Variants in SIK3 observed in about 807,000 individuals in gnomAD.
SIK3 encodes serine/threonine-protein kinase SIK3.
Under a neutral mutation model 144.2 loss-of-function variants are expected in SIK3, and 28 were observed. The observed-to-expected ratio is 0.19, with a 90% CI of 0.14 to 0.27. SIK3 has a LOEUF of 0.27. Among genes scored for constraint, SIK3 ranks in the 10% least tolerant of loss-of-function variants. SIK3 has a pLI of 1.00. For synonymous variants in SIK3, 686 were observed against 676.3 expected, an observed-to-expected ratio of 1.01 and a Z score of -0.22; for missense variants, 1,319 against 1,776.0, an observed-to-expected ratio of 0.74 and a Z score of 4.62.
chr11:117,011,610 G>A (rs1372393984), intron 1 of SIK3, among the ~76,000 whole-genome samples: 1 of 152,272 alleles, frequency 6.6e-6, no homozygotes, highest in East Asian at 1.9e-4. Flanking sequence ...TGTTAGTACT[G>A]AGAGAAGCTG....
At chr11:116,898,464 A>G (rs1435259108) in intron 4 of SIK3, among the ~76,000 whole-genome samples, 1 of 151,878 alleles carries the variant, frequency 6.6e-6, no homozygotes, top group Non-Finnish European at 1.5e-5. Context: ...TAGCAACATG[A>G]TTTATAGTCC....
intron 4 of SIK3, among the ~76,000 whole-genome samples, chr11:116,897,755 C>G (rs909491906): frequency 6.6e-6 from 1 of 151,988 alleles, no homozygotes; most frequent in Non-Finnish European, 1.5e-5. Context: ...TGGTGGCGTG[C>G]GCCTGTAGTC....
intron 4 of SIK3, among the ~76,000 whole-genome samples, chr11:116,909,245 A>G (rs1401069829): frequency 6.6e-6 from 1 of 152,160 alleles, no homozygotes; most frequent in Non-Finnish European, 1.5e-5. Context: ...TACACATTAT[A>G]TTCAGTATAA....
At chr11:117,058,802 A>G (rs1413367595) in intron 1 of SIK3, among the ~76,000 whole-genome samples, 1 of 152,222 alleles carries the variant, frequency 6.6e-6, no homozygotes, top group African/African-American at 2.4e-5. Context: ...TTAGCAAAAG[A>G]ACAAATTAAT....
intron 1 of SIK3, among the ~76,000 whole-genome samples, chr11:117,018,330 T>C (rs1254806159): frequency 2.6e-5 from 4 of 152,140 alleles, no homozygotes; most frequent in Non-Finnish European, 5.9e-5. Flanking sequence ...CAAATCCACA[T>C]ATAAGTGGAT....
Position 116,844,221 on chromosome 11 carries a change from G to A in SIK3, c.*1422C>T, listed in dbSNP as rs185331810. 44 of 152,214 alleles carry A rather than the reference G, an allele frequency of 2.9e-4. No homozygotes were observed. Among genetic ancestry groups the A allele is most frequent in the East Asian group, 1.2e-3 (6 of 5,182 alleles). 9.4% of individuals were successfully genotyped at this position (152,214 alleles called of 1,614,324 possible). Reference sequence around the variant, plus strand: ...AGATAACACAAATAATAGCTACTGCGTATGCACTGCTTCAACTGGGGAAAG... The same window carrying A: ...AGATAACACAAATAATAGCTACTGCATATGCACTGCTTCAACTGGGGAAAG... On this transcript the variant is annotated 3_prime_UTR_variant, in exon 25 of 25. Coordinates refer to ENST00000445177, the MANE Select transcript of SIK3 (RefSeq NM_001366686.3).
intron 1 of SIK3, among the ~76,000 whole-genome samples, chr11:117,000,866 A>G (rs1454503856): frequency 2.0e-5 from 3 of 152,248 alleles, no homozygotes; most frequent in Non-Finnish European, 4.4e-5. Context: ...TTAGGAAATG[A>G]CGACGGGTTG....
intron 1 of SIK3, among the ~76,000 whole-genome samples, chr11:117,074,655 G>A (rs185831437): frequency 6.6e-6 from 1 of 152,142 alleles, no homozygotes; most frequent in Non-Finnish European, 1.5e-5. Context: ...AGGCGTGGTG[G>A]CTCACGCCTG....
intron 4 of SIK3, among the ~76,000 whole-genome samples, chr11:116,911,430 C>A (rs1429822876): frequency 6.6e-6 from 1 of 152,030 alleles, no homozygotes; most frequent in Non-Finnish European, 1.5e-5. Context: ...CTGCTTGAAC[C>A]CGGGAGGCGG....
chr11:117,087,777 C>T (rs943892580), intron 1 of SIK3, among the ~76,000 whole-genome samples: 6 of 152,136 alleles, frequency 3.9e-5, no homozygotes, highest in East Asian at 1.9e-4. Context: ...CCCTTTGGCA[C>T]GGTAATTTCC....
At chr11:116,899,836 C>A (rs1464334336) in intron 4 of SIK3, among the ~76,000 whole-genome samples, 6 of 152,166 alleles carry the variant, frequency 3.9e-5, no homozygotes, top group Admixed American at 3.9e-4. Flanking sequence ...GAAATCACAG[C>A]ATCTGAAAAT....
intron 1 of SIK3, among the ~76,000 whole-genome samples, chr11:117,023,971 A>G (rs1435694774): frequency 6.6e-6 from 1 of 151,924 alleles, no homozygotes; most frequent in Non-Finnish European, 1.5e-5. Flanking sequence ...GAGCCACCAC[A>G]CCCGGGCCTG....
chr11:117,090,119 C>T (rs1358011669), intron 1 of SIK3, among the ~76,000 whole-genome samples: 2 of 152,190 alleles, frequency 1.3e-5, no homozygotes, highest in Non-Finnish European at 2.9e-5. Flanking sequence ...TTGCCTACGC[C>T]ATTTATTTAG....
chr11:117,093,935 A>G lies in SIK3; in HGVS notation c.273+4208T>C, dbSNP rs150605251. On this transcript the variant is annotated intron_variant, in intron 1 of 24. Coordinates refer to ENST00000445177, the MANE Select transcript of SIK3 (RefSeq NM_001366686.3). ...GGACTATTATTATGTCCATAATATT[A>G]TTATGTTACTAAAACATCTGATAAC... 2.2e-3 allele frequency among the ~76,000 whole-genome samples: 330 copies of G among 152,292 alleles called. 1 individual carries two copies. Among genetic ancestry groups the G allele is most frequent in the Non-Finnish European group, 3.5e-3 (239 of 68,020 alleles).
rs1482819404 is a variant in SIK3, at chr11:116,849,848, C to A, written c.3656-565G>T. On this transcript the variant is annotated intron_variant, in intron 21 of 24. Coordinates refer to ENST00000445177, the MANE Select transcript of SIK3 (RefSeq NM_001366686.3). The surrounding 1 kb of genome is among the most constrained non-coding windows in gnomAD (Gnocchi z 4.2). ...TTACTCTGGCAACATCATCTATTTT[C>A]ATGGCTGTACTGCCTTTATGTAAAG... is the stretch of plus-strand genomic sequence containing the variant. Among the ~76,000 whole-genome samples the A allele has an allele frequency of 6.6e-6, 1 of 152,202 alleles. No individual in the cohort carries two copies. Among genetic ancestry groups the A allele is most frequent in the East Asian group, 1.9e-4 (1 of 5,202 alleles).
chr11:116,900,440 C>T (rs941098221), intron 4 of SIK3, among the ~76,000 whole-genome samples: 6 of 152,190 alleles, frequency 3.9e-5, no homozygotes, highest in Non-Finnish European at 8.8e-5. Context: ...CCATTCATAG[C>T]ACAAAGTTAC....
intron 1 of SIK3, among the ~76,000 whole-genome samples, chr11:117,020,246 T>TATATATATATATATATATATATGTATAA: frequency 7.9e-6 from 1 of 127,234 alleles, no homozygotes; most frequent in Non-Finnish European, 1.6e-5. Context: ...CATATATATA[T>TATATATATATATATATATATATGTATAA]ACACATACAT....
intron 6 of SIK3, among the ~76,000 whole-genome samples, chr11:116,878,499 C>A (rs1334452370): frequency 6.6e-6 from 1 of 152,024 alleles, no homozygotes; most frequent in Non-Finnish European, 1.5e-5. Flanking sequence ...CCTGCCTCAG[C>A]TTCTCCAGCA....
At chr11:116,863,038 C>A (rs1277501616) in intron 16 of SIK3, among the ~76,000 whole-genome samples, 1 of 150,664 alleles carries the variant, frequency 6.6e-6, no homozygotes, top group African/African-American at 2.4e-5. Context: ...TGTGCCACTG[C>A]ACTCCAGCCT....
Sources: allele counts gnomAD v4.1 joint callset (sites outside exome capture counted in the v4.1 genomes callset), GRCh38; gene constraint gnomAD v4.1.1; non-coding constraint Gnocchi (gnomAD v3.1); transcripts MANE v1.5; gene names NCBI Gene and HGNC (gene_info 2026-07-23, HGNC 2026-07-21).